Variants in SPRING1 observed in about 807,000 individuals in gnomAD.
The protein encoded by SPRING1 is SREBP regulating gene protein.
SPRING1 carries 14 observed loss-of-function variants against 24.7 expected under a neutral mutation model. That is an observed-to-expected ratio of 0.57 (90% CI 0.37 to 0.88). The LOEUF is 0.88. Among genes scored for constraint, SPRING1 ranks in the 40% least tolerant of loss-of-function variants. The pLI, the probability that SPRING1 is intolerant of heterozygous loss-of-function variation, is 0.00. For synonymous variants in SPRING1, 93 were observed against 106.1 expected (o/e 0.88, Z 0.76); for missense variants, 255 against 268.4 (o/e 0.95, Z 0.35).
intron 1 of SPRING1, among the ~76,000 whole-genome samples, chr12:116,731,576 T>G (rs1870976954): frequency 6.6e-6 from 1 of 151,970 alleles, no homozygotes; most frequent in Non-Finnish European, 1.5e-5. Flanking sequence ...AGGGCCCATA[T>G]CTACCAAAAA....
chr12:116,734,067 G>A (rs759184280), intron 1 of SPRING1, among the ~76,000 whole-genome samples: 4 of 152,130 alleles, frequency 2.6e-5, no homozygotes, highest in Non-Finnish European at 5.9e-5. Flanking sequence ...AGTAGAGATG[G>A]GGTTTTGCCA....
Position 116,737,986 on chromosome 12 carries a change from AGCCCCATCCCTCCAGGCAGGCGCCG to A in SPRING1, c.-111_-87del, listed in dbSNP as rs1871371178. ...GCGGCATGGCCCCTACGCGCCCGGCAGCCCCATCCCTCCAGGCAGGCGCCGGCCCCGCCGCCCGCAGCCCAGTCTG... is the reference window on the plus strand; with the variant it reads ...GCGGCATGGCCCCTACGCGCCCGGCAGCCCCGCCGCCCGCAGCCCAGTCTG... On this transcript the variant is annotated 5_prime_UTR_variant, in exon 1 of 5. The change abolishes an upstream ATG in the 5' untranslated region. Coordinates refer to ENST00000261318, the MANE Select transcript of SPRING1 (RefSeq NM_024738.4). 1 of 1,192,638 alleles carries A rather than the reference AGCCCCATCCCTCCAGGCAGGCGCCG, an allele frequency of 8.4e-7. No individual in the cohort carries two copies. The highest frequency in any genetic ancestry group is 1.0e-6 in the Non-Finnish European group (1 of 957,750). The allele number at this position is 1,192,638 out of a possible 1,614,324, so 73.9% of individuals were successfully genotyped here.
Position 116,713,553 on chromosome 12 carries a change from T to A in SPRING1, c.*4257A>T, listed in dbSNP as rs562044062. The A allele has an allele frequency of 1.4e-4, 21 of 152,210 alleles. No individual in the cohort carries two copies. The highest frequency in any genetic ancestry group is 2.6e-4 in the Admixed American group (4 of 15,284). 9.4% of individuals were successfully genotyped at this position (152,210 alleles called of 1,614,324 possible). On this transcript the variant is annotated 3_prime_UTR_variant, in exon 5 of 5. Transcript: ENST00000261318. Reference sequence around the variant, plus strand: ...GGTATGACAAAAATGGACACTTCCATACACACTAGGTGAATATATTGGTGA... The same window carrying A: ...GGTATGACAAAAATGGACACTTCCAAACACACTAGGTGAATATATTGGTGA...
chr12:116,727,909 T>C (rs910524338), intron 1 of SPRING1, among the ~76,000 whole-genome samples: 1 of 152,132 alleles, frequency 6.6e-6, no homozygotes, highest in Non-Finnish European at 1.5e-5. Flanking sequence ...TAATAATCAG[T>C]GCAAAACAAA....
chr12:116,726,066 T>C (rs1489078599), intron 1 of SPRING1, among the ~76,000 whole-genome samples: 1 of 152,236 alleles, frequency 6.6e-6, no homozygotes, highest in Non-Finnish European at 1.5e-5. Context: ...TTAGGATGTT[T>C]TGCATTCAGC....
At position 116,711,012 on chromosome 12, in the gene SPRING1, C is replaced by CAT. The variant is rs199913887; in HGVS notation, c.*6797_*6798insAT. 0.012 allele frequency: 1,477 copies of CAT among 125,556 alleles called. 12 individuals carry two copies. Among genetic ancestry groups the CAT allele is most frequent in the Middle Eastern group, 0.02 (5 of 256 alleles). 7.8% of individuals were successfully genotyped at this position (125,556 alleles called of 1,614,324 possible). A position where few individuals can be genotyped will look rare whatever the true frequency, so the allele number is the denominator to read the frequency against. On this transcript the variant is annotated 3_prime_UTR_variant, in exon 5 of 5. Transcript: ENST00000261318. ...TACTTCATACTGCTTTTGTTACACA[C>CAT]ACACACACACACACACGCACACACA...
chr12:116,720,557 G>A lies in SPRING1; in HGVS notation c.269-110C>T. On this transcript the variant is annotated intron_variant, in intron 2 of 4. Transcript: ENST00000261318. The surrounding 1 kb of genome is among the most constrained non-coding windows in gnomAD (Gnocchi z 4.0). Reference sequence around the variant, plus strand: ...TACACAGACAGAAGCTGGAGTCTGGGGCATCATCCTAAGCACCGGAGAGCT... The same window carrying A: ...TACACAGACAGAAGCTGGAGTCTGGAGCATCATCCTAAGCACCGGAGAGCT... The A allele has an allele frequency of 7.1e-7, 1 of 1,398,958 alleles. No homozygotes were observed. The highest frequency in any genetic ancestry group is 1.3e-5 in the South Asian group (1 of 75,294). The allele number at this position is 1,398,958 out of a possible 1,614,324, so 86.7% of individuals were successfully genotyped here. A position where few individuals can be genotyped will look rare whatever the true frequency, so the allele number is the denominator to read the frequency against.
Position 116,717,701 on chromosome 12 carries a change from GC to G in SPRING1, c.*108del, listed in dbSNP as rs960382607. On this transcript the variant is annotated 3_prime_UTR_variant, in exon 5 of 5. Coordinates refer to ENST00000261318, the MANE Select transcript of SPRING1 (RefSeq NM_024738.4). The surrounding 1 kb of genome is among the most constrained non-coding windows in gnomAD (Gnocchi z 4.2). The stretch of plus-strand genomic sequence containing the variant: ...GTCAAAGCCAAGGTTTCCTCACGCT[GC>G]CTTTGTCTTCTTCCTGCAGCCTGGC... 1 of 990,068 alleles carries G rather than the reference GC, an allele frequency of 1.0e-6. No homozygotes were observed. The highest frequency in any genetic ancestry group is 1.7e-5 in the African/African-American group (1 of 60,472). The allele number at this position is 990,068 out of a possible 1,614,324, so 61.3% of individuals were successfully genotyped here. A position where few individuals can be genotyped will look rare whatever the true frequency, so the allele number is the denominator to read the frequency against.
intron 1 of SPRING1, among the ~76,000 whole-genome samples, chr12:116,733,184 G>A (rs429963): frequency 0.48 from 72,033 of 151,620 alleles, 17,845 homozygotes; most frequent in Admixed American, 0.59. Context: ...GTGTGTGCTC[G>A]TCTTAGTTTT....
In SPRING1 at chr12:116,717,536, TCCA is replaced by T; in HGVS notation, c.*271_*273del. ...TCCCAGGGCTGAGTCATCCAAGAACTCCACCACCACCGTGAGCCCGGCCTCCGG... is the reference window on the plus strand; with the variant it reads ...TCCCAGGGCTGAGTCATCCAAGAACTCCACCACCGTGAGCCCGGCCTCCGG... On this transcript the variant is annotated 3_prime_UTR_variant, in exon 5 of 5. Coordinates refer to ENST00000261318, the MANE Select transcript of SPRING1 (RefSeq NM_024738.4). The surrounding 1 kb of genome is among the most constrained non-coding windows in gnomAD (Gnocchi z 4.2). 2.9e-6 allele frequency: 1 copy of T among 343,980 alleles called. No individual in the cohort carries two copies. The highest frequency in any genetic ancestry group is 5.4e-6 in the Non-Finnish European group (1 of 186,810). 21.3% of individuals were successfully genotyped at this position (343,980 alleles called of 1,614,324 possible).
chr12:116,720,672 G>A lies in SPRING1; in HGVS notation c.269-225C>T, dbSNP rs1301976854. Among the ~76,000 whole-genome samples, 1 of 152,126 alleles carries A rather than the reference G, an allele frequency of 6.6e-6. No homozygotes were observed. The highest frequency in any genetic ancestry group is 1.5e-5 in the Non-Finnish European group (1 of 68,024). ...CTCCCCTGTTATCGCCAGGCTACACGTCGGAACCTACCTACACCTACTGTT... is the reference window on the plus strand; with the variant it reads ...CTCCCCTGTTATCGCCAGGCTACACATCGGAACCTACCTACACCTACTGTT... On this transcript the variant is annotated intron_variant, in intron 2 of 4. Transcript: ENST00000261318. This position sits in a 1 kb window ranked among gnomAD's most constrained non-coding sequence, Gnocchi z 4.0.
chr12:116,731,809 C>A (rs1164950033), intron 1 of SPRING1, among the ~76,000 whole-genome samples: 1 of 152,168 alleles, frequency 6.6e-6, no homozygotes, highest in African/African-American at 2.4e-5. Context: ...AGTGGCTTCA[C>A]AGAAGATTGT....
At chr12:116,732,454 T>A (rs557316343) in intron 1 of SPRING1, among the ~76,000 whole-genome samples, 1 of 152,198 alleles carries the variant, frequency 6.6e-6, no homozygotes, top group South Asian at 2.1e-4. Flanking sequence ...ATGCCTGTAA[T>A]CCCAGCACTT....
In SPRING1 at chr12:116,710,198, G is replaced by C. The variant is rs530673155; in HGVS notation, c.*7612C>G. 6.6e-6 allele frequency: 1 copy of C among 152,184 alleles called. No individual in the cohort carries two copies. The highest frequency in any genetic ancestry group is 6.5e-5 in the Admixed American group (1 of 15,274). The allele number at this position is 152,184 out of a possible 1,614,324, so 9.4% of individuals were successfully genotyped here. On this transcript the variant is annotated 3_prime_UTR_variant, in exon 5 of 5. Coordinates refer to ENST00000261318, the MANE Select transcript of SPRING1 (RefSeq NM_024738.4). ...ATTTTAAAATAATATGGACAGCAGG[G>C]TCCTACCTTTATTTACATACAAATA...
intron 1 of SPRING1, 133 bp downstream of exon 1, chr12:116,737,657 G>C: frequency 9.7e-7 from 1 of 1,035,682 alleles, no homozygotes; most frequent in Admixed American, 4.0e-5. Flanking sequence ...GAGAAAGAAA[G>C]GAAGGGAAGG....
Position 116,712,184 on chromosome 12 carries a change from C to G in SPRING1, c.*5626G>C, listed in dbSNP as rs1013617349. ...TAACTGCTTTGCTCATTGGTTGTAACTGGCAAGTCATTCTCTTTACTACAT... is the reference window on the plus strand; with the variant it reads ...TAACTGCTTTGCTCATTGGTTGTAAGTGGCAAGTCATTCTCTTTACTACAT... On this transcript the variant is annotated 3_prime_UTR_variant, in exon 5 of 5. Coordinates refer to ENST00000261318, the MANE Select transcript of SPRING1 (RefSeq NM_024738.4). 9 of 152,182 alleles carry G rather than the reference C, an allele frequency of 5.9e-5. No homozygotes were observed. The highest frequency in any genetic ancestry group is 1.0e-4 in the Non-Finnish European group (7 of 68,044). The allele number at this position is 152,182 out of a possible 1,614,324, so 9.4% of individuals were successfully genotyped here.
In SPRING1 at chr12:116,712,118, G is replaced by A. The variant is rs1379349496; in HGVS notation, c.*5692C>T. On this transcript the variant is annotated 3_prime_UTR_variant, in exon 5 of 5. Transcript: ENST00000261318. ...GGTCTCACAGAATGTGTAGTCCTGA[G>A]AAAAAATAAACCTGGACTCTTGGTA... The A allele has an allele frequency of 6.6e-6, 1 of 152,204 alleles. No homozygotes were observed. Among genetic ancestry groups the A allele is most frequent in the Non-Finnish European group, 1.5e-5 (1 of 68,036 alleles). 9.4% of individuals were successfully genotyped at this position (152,204 alleles called of 1,614,324 possible).
In SPRING1 at chr12:116,723,112, A is replaced by G; in HGVS notation, c.223T>C (p.Cys75Arg). 6.2e-7 allele frequency: 1 copy of G among 1,612,878 alleles called. No homozygotes were observed. Among genetic ancestry groups the G allele is most frequent in the South Asian group, 1.1e-5 (1 of 91,024 alleles). ...LGNSSRPSNQ[C>R]RNSIQGKHLI... is the part of the protein sequence containing the mutation. ...TGCTTCCCTTGAATGGAGTTGCGGCACTGATTGCTCGGACGACTGCTATTG... is the reference window on the plus strand; with the variant it reads ...TGCTTCCCTTGAATGGAGTTGCGGCGCTGATTGCTCGGACGACTGCTATTG... The change falls in exon 2 of 5, where the codon TGC becomes CGC. Residue 75 changes from cysteine (C) to arginine (R), a missense_variant. Transcript: ENST00000261318.
rs570473635 is a variant in SPRING1, at chr12:116,710,807, G to A, written c.*7003C>T. The stretch of plus-strand genomic sequence containing the variant: ...CCAGCCGCTGGGATACGAGGGCTCT[G>A]GTCTTGCTTTAACAGCCAGGGGGAC... On this transcript the variant is annotated 3_prime_UTR_variant, in exon 5 of 5. Transcript: ENST00000261318. The A allele has an allele frequency of 1.3e-5, 2 of 152,262 alleles. No individual in the cohort carries two copies. The highest frequency in any genetic ancestry group is 2.1e-4 in the South Asian group (1 of 4,828). The allele number at this position is 152,262 out of a possible 1,614,324, so 9.4% of individuals were successfully genotyped here.
Sources: gnomAD v4.1 joint callset for allele counts (sites outside exome capture counted in the v4.1 genomes callset) on GRCh38, gnomAD v4.1.1 for gene constraint, Gnocchi (gnomAD v3.1) non-coding constraint, MANE v1.5 for transcripts, NCBI Gene and HGNC (gene_info 2026-07-23, HGNC 2026-07-21) for gene names.